Variants in KIRREL3 observed in about 807,000 individuals in gnomAD.
The protein encoded by KIRREL3 is kirre like nephrin family adhesion molecule 3.
A neutral mutation model predicts 89.7 loss-of-function variants in KIRREL3; 36 were observed. The ratio of observed to expected loss-of-function variants is 0.40; its 90% CI spans 0.31 to 0.53. The LOEUF (loss-of-function observed/expected upper bound fraction) is 0.53, where lower values mean the gene tolerates loss of function less well. Ranked by LOEUF, KIRREL3 falls within the 20% of genes least tolerant of loss-of-function variation. The pLI, the probability that KIRREL3 is intolerant of heterozygous loss-of-function variation, is 0.49. For missense variants in KIRREL3, 864 were observed against 1,056.6 expected, an observed-to-expected ratio of 0.82 and a Z score of 2.53; for synonymous variants, 445 against 441.4, an observed-to-expected ratio of 1.01 and a Z score of -0.10.
rs1565509129 is a variant in KIRREL3 at position 126,508,206 on chromosome 11, T to C, written c.433+13109A>G. 3.3e-5 allele frequency among the ~76,000 whole-genome samples: 5 copies of C among 152,186 alleles called. No individual in the cohort carries two copies. Among genetic ancestry groups the C allele is most frequent in the Admixed American group, 6.5e-5 (1 of 15,278 alleles). On this transcript the variant is annotated intron_variant, in intron 4 of 16. Coordinates refer to ENST00000525144, the MANE Select transcript of KIRREL3 (RefSeq NM_032531.4). This position sits in a 1 kb window ranked among gnomAD's most constrained non-coding sequence, Gnocchi z 4.9. ...ATTTATAAACACCTGGATCGACTTG[T>C]GAAAGTGTGACACATTTTTTGGAAG...
intron 5 of KIRREL3, among the ~76,000 whole-genome samples, chr11:126,464,801 G>A (rs948170987): frequency 1.3e-5 from 2 of 152,184 alleles, no homozygotes; most frequent in African/African-American, 4.8e-5. Context: ...CAGACTTGTT[G>A]GCTTCTACAG....
rs1956626068 is a variant in KIRREL3 at position 126,463,716 on chromosome 11, C to T, written c.592-409G>A. On this transcript the variant is annotated intron_variant, in intron 5 of 16. Transcript: ENST00000525144. The surrounding 1 kb of genome is among the most constrained non-coding windows in gnomAD (Gnocchi z 5.9). ...TAGGAAGCAACGAGATGGTTTGCAACCAGCAGGGACTGTGGCCCCTGAGCG... is the reference window on the plus strand; with the variant it reads ...TAGGAAGCAACGAGATGGTTTGCAATCAGCAGGGACTGTGGCCCCTGAGCG... 6.6e-6 allele frequency among the ~76,000 whole-genome samples: 1 copy of T among 152,128 alleles called. No individual in the cohort carries two copies. The highest frequency in any genetic ancestry group is 2.4e-5 in the African/African-American group (1 of 41,408).
intron 5 of KIRREL3, among the ~76,000 whole-genome samples, chr11:126,472,326 C>T (rs58232450): frequency 0.16 from 23,710 of 152,154 alleles, 2,374 homozygotes; most frequent in East Asian, 0.36. Context: ...TTCTGGAGGC[C>T]GGGAAGTCCA....
chr11:126,718,363 TC>T (rs1260766805), intron 1 of KIRREL3, among the ~76,000 whole-genome samples: 2 of 134,258 alleles, frequency 1.5e-5, no homozygotes, highest in East Asian at 3.9e-4. Context: ...GGAACCCAAC[TC>T]CAAGAGGCTG....
chr11:126,585,194 C>G (rs1042099802), intron 1 of KIRREL3, among the ~76,000 whole-genome samples: 13 of 146,000 alleles, frequency 8.9e-5, no homozygotes, highest in African/African-American at 3.3e-4. Context: ...GCTGGGATTA[C>G]AGGCGTGAGC....
In KIRREL3 at chr11:126,965,673, C is replaced by G. The variant is rs1264829738; in HGVS notation, c.55+34782G>C. 6.6e-6 allele frequency among the ~76,000 whole-genome samples: 1 copy of G among 152,144 alleles called. No individual in the cohort carries two copies. The highest frequency in any genetic ancestry group is 1.9e-4 in the East Asian group (1 of 5,202). On this transcript the variant is annotated intron_variant, in intron 1 of 16. Coordinates refer to ENST00000525144, the MANE Select transcript of KIRREL3 (RefSeq NM_032531.4). This position sits in a 1 kb window ranked among gnomAD's most constrained non-coding sequence, Gnocchi z 4.4. ...AGGTCAGAGCCATGGATAATCGAAA[C>G]CTCAGCCAAAAGAAGATCAATAAAT...
chr11:126,741,574 C>T (rs1233729614), intron 1 of KIRREL3, among the ~76,000 whole-genome samples: 1 of 152,122 alleles, frequency 6.6e-6, no homozygotes, highest in East Asian at 1.9e-4. Flanking sequence ...CAACAAGGGC[C>T]ATAGGATGAA....
intron 2 of KIRREL3, among the ~76,000 whole-genome samples, chr11:126,560,948 A>C (rs1164911220): frequency 6.6e-6 from 1 of 152,212 alleles, no homozygotes; most frequent in Non-Finnish European, 1.5e-5. Context: ...CATTTTAATT[A>C]TTAATATGTG....
chr11:126,479,672 G>A (rs193146546), intron 4 of KIRREL3, among the ~76,000 whole-genome samples: 161 of 152,354 alleles, frequency 1.1e-3, no homozygotes, highest in Non-Finnish European at 1.9e-3. Flanking sequence ...CAAAGAGCAC[G>A]TGTGGGGACC....
At chr11:126,973,997 C>T (rs1949502505) in intron 1 of KIRREL3, among the ~76,000 whole-genome samples, 1 of 152,086 alleles carries the variant, frequency 6.6e-6, no homozygotes, top group Non-Finnish European at 1.5e-5. Context: ...CTCATGTTTT[C>T]TTTAGTTGTC....
chr11:126,714,704 T>A (rs1289565039), intron 1 of KIRREL3, among the ~76,000 whole-genome samples: 1 of 152,110 alleles, frequency 6.6e-6, no homozygotes, highest in Non-Finnish European at 1.5e-5. Context: ...TGATGATGAA[T>A]CCTTTACTGG....
At position 126,912,654 on chromosome 11, in the gene KIRREL3, G is replaced by A. The variant is rs191785925; in HGVS notation, c.55+87801C>T. Among the ~76,000 whole-genome samples the A allele has an allele frequency of 1.5e-4, 23 of 152,354 alleles. No individual in the cohort carries two copies. Among genetic ancestry groups the A allele is most frequent in the Non-Finnish European group, 2.6e-4 (18 of 68,036 alleles). ...TTCCTTCAAGAGGCCATGCTGGGTA[G>A]CAATGGGGCTCCTGCCCCTGCTGTT... On this transcript the variant is annotated intron_variant, in intron 1 of 16. Coordinates refer to ENST00000525144, the MANE Select transcript of KIRREL3 (RefSeq NM_032531.4). This position sits in a 1 kb window ranked among gnomAD's most constrained non-coding sequence, Gnocchi z 4.7.
chr11:126,786,907 C>T (rs747912989), intron 1 of KIRREL3, among the ~76,000 whole-genome samples: 1 of 152,178 alleles, frequency 6.6e-6, no homozygotes, highest in Non-Finnish European at 1.5e-5. Context: ...GAAGGGAGGA[C>T]AGGGCATAGA....
intron 1 of KIRREL3, among the ~76,000 whole-genome samples, chr11:126,572,910 G>C (rs1941042669): frequency 6.6e-6 from 1 of 152,206 alleles, no homozygotes; most frequent in African/African-American, 2.4e-5. Context: ...ACTGGAGTCA[G>C]GCAGTCATGT....
Position 126,931,807 on chromosome 11 carries a change from C to T in KIRREL3, c.55+68648G>A, listed in dbSNP as rs2135057714. 6.6e-6 allele frequency among the ~76,000 whole-genome samples: 1 copy of T among 152,228 alleles called. No homozygotes were observed. The highest frequency in any genetic ancestry group is 1.5e-5 in the Non-Finnish European group (1 of 68,012). On this transcript the variant is annotated intron_variant, in intron 1 of 16. Coordinates refer to ENST00000525144, the MANE Select transcript of KIRREL3 (RefSeq NM_032531.4). The surrounding 1 kb of genome is among the most constrained non-coding windows in gnomAD (Gnocchi z 5.1). ...AGAGAAAAGATGGTGACAAATGATG[C>T]TAGTAACTGAGGGCTGCCAGCACCC...
chr11:126,831,038 G>C (rs1279623391), intron 1 of KIRREL3, among the ~76,000 whole-genome samples: 1 of 152,148 alleles, frequency 6.6e-6, no homozygotes, highest in Non-Finnish European at 1.5e-5. Context: ...AGGAGATTGG[G>C]GTTGAAGCCT....
chr11:126,633,215 G>A (rs1269958511), intron 1 of KIRREL3, among the ~76,000 whole-genome samples: 10 of 152,136 alleles, frequency 6.6e-5, no homozygotes, highest in South Asian at 4.1e-4. Flanking sequence ...AACACACACC[G>A]GGGCCTGTTG....
chr11:126,791,658 G>A lies in KIRREL3; in HGVS notation c.55+208797C>T. Among the ~76,000 whole-genome samples, 1 of 152,220 alleles carries A rather than the reference G, an allele frequency of 6.6e-6. No individual in the cohort carries two copies. Among genetic ancestry groups the A allele is most frequent in the East Asian group, 1.9e-4 (1 of 5,190 alleles). On this transcript the variant is annotated intron_variant, in intron 1 of 16. Transcript: ENST00000525144. The surrounding 1 kb of genome is among the most constrained non-coding windows in gnomAD (Gnocchi z 4.8). ...AGGGGTCAGCCATCCAGGCCACAGG[G>A]TCCAGGGGCCCAGATTCCCATGGCC... is the stretch of plus-strand genomic sequence containing the variant.
In KIRREL3 at chr11:126,430,352, C is replaced by G. The variant is rs768517920; in HGVS notation, c.1697-1064G>C. 6.6e-6 allele frequency among the ~76,000 whole-genome samples: 1 copy of G among 151,868 alleles called. No homozygotes were observed. Among genetic ancestry groups the G allele is most frequent in the Non-Finnish European group, 1.5e-5 (1 of 67,978 alleles). On this transcript the variant is annotated intron_variant, in intron 14 of 16. Coordinates refer to ENST00000525144, the MANE Select transcript of KIRREL3 (RefSeq NM_032531.4). This position sits in a 1 kb window ranked among gnomAD's most constrained non-coding sequence, Gnocchi z 6.6. ...CCCAGCGACTCAGGAGGCTTAGGCA[C>G]GAGAATCGCTTGAACCTGGGAGGCG... is the stretch of plus-strand genomic sequence containing the variant.
Sources: allele counts gnomAD v4.1 joint callset (sites outside exome capture counted in the v4.1 genomes callset), GRCh38; gene constraint gnomAD v4.1.1; non-coding constraint Gnocchi (gnomAD v3.1); transcripts MANE v1.5; gene names NCBI Gene and HGNC (gene_info 2026-07-23, HGNC 2026-07-21).